GNAL: variants seen among roughly 807,000 people sequenced by gnomAD.
The protein encoded by GNAL is G protein subunit alpha L.
In GNAL, 18 loss-of-function variants were observed where a neutral mutation model predicts 55.1. That is an observed-to-expected ratio of 0.33 (90% CI 0.23 to 0.48). GNAL has a LOEUF of 0.48. Ranked by LOEUF, GNAL falls within the 20% of genes least tolerant of loss-of-function variation. The pLI is 0.99. For synonymous variants in GNAL, 253 were observed against 237.0 expected (o/e 1.07, Z -0.62); for missense variants, 412 against 614.1 (o/e 0.67, Z 3.48).
intron 4 of GNAL, among the ~76,000 whole-genome samples, chr18:11,799,943 G>T (rs982705348): frequency 1.2e-4 from 18 of 151,614 alleles, no homozygotes; most frequent in Admixed American, 1.2e-3. Flanking sequence ...CCCCCTGTAC[G>T]TGTCCCTTTT....
chr18:11,845,245 TC>T (rs1391131974), intron 5 of GNAL, among the ~76,000 whole-genome samples: 1 of 152,170 alleles, frequency 6.6e-6, no homozygotes, highest in African/African-American at 2.4e-5. Context: ...GCTTCCATAT[TC>T]CTTCAGAGGT....
At chr18:11,824,514 C>T (rs2035188769) in intron 4 of GNAL, among the ~76,000 whole-genome samples, 1 of 151,720 alleles carries the variant, frequency 6.6e-6, no homozygotes, top group African/African-American at 2.4e-5. Context: ...ATGGTGAAAC[C>T]CCGTCTCTAC....
At chr18:11,865,763 A>T (rs1455778558) in intron 7 of GNAL, among the ~76,000 whole-genome samples, 1 of 147,332 alleles carries the variant, frequency 6.8e-6, no homozygotes, top group Non-Finnish European at 1.5e-5. Flanking sequence ...TCTAAAAAAA[A>T]AAAAAAAAAA....
Position 11,752,664 on chromosome 18 carries a change from C to T in GNAL, c.377-189C>T, listed in dbSNP as rs535235693. 7.5e-7 allele frequency: 1 copy of T among 1,332,956 alleles called. No homozygotes were observed. The highest frequency in any genetic ancestry group is 9.8e-7 in the Non-Finnish European group (1 of 1,023,926). 82.6% of individuals were successfully genotyped at this position (1,332,956 alleles called of 1,614,324 possible). ...GAGCGCCAGGCTGGGCGGGCAGGGC[C>T]GGGCGAGGGTCGCGCGCACCTCTGG... On this transcript the variant is annotated intron_variant, in intron 1 of 11. Transcript: ENST00000334049. The surrounding 1 kb of genome is among the most constrained non-coding windows in gnomAD (Gnocchi z 4.5).
Position 11,846,462 on chromosome 18 carries a change from T to TACACACACACACACAC in GNAL, c.723-15932_723-15931insCACACACACACACACA, listed in dbSNP as rs1357598485. Among the ~76,000 whole-genome samples, 5 of 20,196 alleles carry TACACACACACACACAC rather than the reference T, an allele frequency of 2.5e-4. No individual in the cohort carries two copies. The Admixed American group carries it at 5.5e-3, about 22-fold the overall frequency. The allele number at this position is 20,196 out of a possible 152,430, so 13.2% of individuals were successfully genotyped here. On this transcript the variant is annotated intron_variant, in intron 5 of 11. Coordinates refer to ENST00000334049, the MANE Select transcript of GNAL (RefSeq NM_182978.4). ...ATATAAATATAAATATATATATAAA[T>TACACACACACACACAC]ATACACACACACACACACACACACA...
intron 2 of GNAL, 105 bp downstream of exon 2, chr18:11,753,030 G>A: frequency 1.6e-6 from 1 of 638,532 alleles, no homozygotes; most frequent in Non-Finnish European, 2.8e-6. Context: ...TGATAATGGA[G>A]TAGACATTCA....
At chr18:11,709,706 A>T (rs1465343655) in intron 1 of GNAL, among the ~76,000 whole-genome samples, 2 of 152,050 alleles carry the variant, frequency 1.3e-5, no homozygotes, top group African/African-American at 4.8e-5. Flanking sequence ...TTTTGGTGAA[A>T]TTTTTATATT....
At chr18:11,707,233 A>G (rs1210560755) in intron 1 of GNAL, among the ~76,000 whole-genome samples, 1 of 152,200 alleles carries the variant, frequency 6.6e-6, no homozygotes, top group Non-Finnish European at 1.5e-5. Context: ...TGTCTATGGC[A>G]CTTATAGCGC....
chr18:11,718,115 C>G (rs1184693619), intron 1 of GNAL, among the ~76,000 whole-genome samples: 1 of 151,560 alleles, frequency 6.6e-6, no homozygotes, highest in Non-Finnish European at 1.5e-5. Context: ...AAATACCTAG[C>G]AGTTTAAAAA....
rs969339675 is a variant in GNAL, at chr18:11,752,621, C to G, written c.377-232C>G. 1.9e-6 allele frequency: 3 copies of G among 1,544,856 alleles called. No homozygotes were observed. The highest frequency in any genetic ancestry group is 2.6e-6 in the Non-Finnish European group (3 of 1,154,498). ...GCGGCGGCTCCCGGCCCCAGCGGAG[C>G]GCACAGCCAGGAGCGGCGAGCGCCA... On this transcript the variant is annotated intron_variant, in intron 1 of 11. Transcript: ENST00000334049. This position sits in a 1 kb window ranked among gnomAD's most constrained non-coding sequence, Gnocchi z 4.5.
At chr18:11,863,283 C>T (rs2143843497) in intron 6 of GNAL, among the ~76,000 whole-genome samples, 1 of 152,296 alleles carries the variant, frequency 6.6e-6, no homozygotes, top group South Asian at 2.1e-4. Context: ...ATTCAGGAGA[C>T]TTCAGGTGCT....
intron 11 of GNAL, among the ~76,000 whole-genome samples, chr18:11,877,182 G>C (rs541447020): frequency 6.6e-6 from 1 of 152,162 alleles, no homozygotes; most frequent in Non-Finnish European, 1.5e-5. Flanking sequence ...GGCCGGGTGC[G>C]GTGGCTCATG....
At chr18:11,703,613 G>C (rs569865209) in intron 1 of GNAL, among the ~76,000 whole-genome samples, 203 of 152,300 alleles carry the variant, frequency 1.3e-3, no homozygotes, top group African/African-American at 4.5e-3. Context: ...GAACTAAAAA[G>C]CATGCCGAGC....
At chr18:11,853,068 G>A (rs1302551656) in intron 5 of GNAL, 1 of 167,088 alleles carries the variant, frequency 6.0e-6, no homozygotes, top group Non-Finnish European at 1.5e-5. Flanking sequence ...CTGTGTGTGT[G>A]TAGGTTTTGT....
Position 11,751,468 on chromosome 18 carries a change from G to T in GNAL, c.377-1385G>T. 2 of 982,746 alleles carry T rather than the reference G, an allele frequency of 2.0e-6. No individual in the cohort carries two copies. Among genetic ancestry groups the T allele is most frequent in the Middle Eastern group, 5.2e-4 (1 of 1,916 alleles). 60.9% of individuals were successfully genotyped at this position (982,746 alleles called of 1,614,324 possible). On this transcript the variant is annotated intron_variant, in intron 1 of 11. Transcript: ENST00000334049. The surrounding 1 kb of genome is among the most constrained non-coding windows in gnomAD (Gnocchi z 4.5). ...GGGAGGCGGCGACGTGGGCGAGCTG[G>T]AATAGTCTAGAAGCTGAGCAGAACA...
chr18:11,822,783 C>T (rs1169931440), intron 4 of GNAL, among the ~76,000 whole-genome samples: 1 of 150,926 alleles, frequency 6.6e-6, no homozygotes, highest in African/African-American at 2.4e-5. Context: ...TTCTGCCCTG[C>T]AGGGCCTGGA....
chr18:11,720,616 A>G (rs944124925), intron 1 of GNAL, among the ~76,000 whole-genome samples: 1 of 152,244 alleles, frequency 6.6e-6, no homozygotes, highest in Non-Finnish European at 1.5e-5. Context: ...TCTTCTCTTG[A>G]TATCTGCCTT....
At chr18:11,777,096 T>C (rs1004558111) in intron 4 of GNAL, among the ~76,000 whole-genome samples, 3 of 152,220 alleles carry the variant, frequency 2.0e-5, no homozygotes, top group African/African-American at 7.2e-5. Context: ...ATGATATGTA[T>C]GAATAAATGC....
chr18:11,814,775 G>A lies in GNAL; in HGVS notation c.625-10143G>A, dbSNP rs149471468. ...ACTGGGCATGGGGTGGCACATGCCT[G>A]TAATACCAGCTACTTGGGAGGCTAA... On this transcript the variant is annotated intron_variant, in intron 4 of 11. Coordinates refer to ENST00000334049, the MANE Select transcript of GNAL (RefSeq NM_182978.4). Among the ~76,000 whole-genome samples, 7 of 151,850 alleles carry A rather than the reference G, an allele frequency of 4.6e-5. No individual in the cohort carries two copies. The East Asian group carries it at 1.4e-3, about 29-fold the overall frequency.
Sources: gnomAD v4.1 joint callset for allele counts (sites outside exome capture counted in the v4.1 genomes callset) on GRCh38, gnomAD v4.1.1 for gene constraint, Gnocchi (gnomAD v3.1) non-coding constraint, MANE v1.5 for transcripts, NCBI Gene and HGNC (gene_info 2026-07-23, HGNC 2026-07-21) for gene names.